Variants in THBS2 observed in about 807,000 individuals in gnomAD.
The protein encoded by THBS2 is thrombospondin 2.
In THBS2, 47 loss-of-function variants were observed where a neutral mutation model predicts 135.2. The ratio of observed to expected loss-of-function variants is 0.35; its 90% CI spans 0.28 to 0.44. The LOEUF is 0.44. Ranked by LOEUF, THBS2 falls within the 20% of genes least tolerant of loss-of-function variation. The pLI is 1.00. For missense variants in THBS2, 1,288 were observed against 1,603.1 expected (o/e 0.80, Z 3.36); for synonymous variants, 639 against 633.8 (o/e 1.01, Z -0.12).
At position 169,240,584 on chromosome 6, in the gene THBS2, A is replaced by C. The variant is rs772878601; in HGVS notation, c.900T>G (p.Asp300Glu). The change falls in exon 6 of 22, where the codon GAT (aspartate) becomes GAG (glutamate). Residue 300 changes from aspartate (D) to glutamate (E), a missense_variant. Around this residue, in one of 2 missense-constraint regions of THBS2, gnomAD observed 414 missense variants for 447.0 expected, o/e 0.93. Transcript: ENST00000617924. ...LSENLKRVSN[D>E]NQFLWELIGG... is the part of the protein sequence containing the mutation. ...CAATGAGCTCCCAGAGAAACTGGTT[A>C]TCATTCGACTGGAAAATCAAGTGAA... The C allele has an allele frequency of 6.2e-7, 1 of 1,613,726 alleles. No individual in the cohort carries two copies. Among genetic ancestry groups the C allele is most frequent in the Non-Finnish European group, 8.5e-7 (1 of 1,179,758 alleles).
intron 10 of THBS2, chr6:169,234,518 C>G (rs528982373): frequency 1.9e-6 from 1 of 527,628 alleles, no homozygotes; most frequent in African/African-American, 1.9e-5. Context: ...CACAACTACC[C>G]ACATTCCACA....
At chr6:169,226,146 A>G in intron 16 of THBS2, 34 bp downstream of exon 16, 1 of 1,557,880 alleles carries the variant, frequency 6.4e-7, no homozygotes, top group South Asian at 1.1e-5. Flanking sequence ...TCTGATGAGG[A>G]CCTCCAACCC....
rs189175779 is a variant in THBS2, at chr6:169,245,521, G to A, written c.694+676C>T. On this transcript the variant is annotated intron_variant, in intron 4 of 21. Coordinates refer to ENST00000617924, the MANE Select transcript of THBS2 (RefSeq NM_003247.5). ...ATAAGAAAACTTCTAGGCCGGGCGTGGTGGCTCACACCTGTAATCCCAGCA... is the reference window on the plus strand; with the variant it reads ...ATAAGAAAACTTCTAGGCCGGGCGTAGTGGCTCACACCTGTAATCCCAGCA... Among the ~76,000 whole-genome samples the A allele has an allele frequency of 4.3e-3, 648 of 152,220 alleles. 3 individuals are homozygous for A. Among genetic ancestry groups the A allele is most frequent in the African/African-American group, 0.011 (449 of 41,542 alleles).
intron 4 of THBS2, among the ~76,000 whole-genome samples, chr6:169,243,748 C>G (rs1391619119): frequency 2.0e-5 from 3 of 152,214 alleles, no homozygotes; most frequent in Non-Finnish European, 2.9e-5. Context: ...CCGCATATAT[C>G]TTTGCTTCTG....
At position 169,225,206 on chromosome 6, in the gene THBS2, G is replaced by A. The variant is rs771072660; in HGVS notation, c.2712C>T (p.Gly904=). The A allele has an allele frequency of 1.7e-5, 27 of 1,614,048 alleles. No individual in the cohort carries two copies. Among genetic ancestry groups the A allele is most frequent in the East Asian group, 1.1e-4 (5 of 44,898 alleles). Residue 904 remains glycine, a synonymous_variant, in exon 17 of 22, where the codon GGC becomes GGT. Coordinates refer to ENST00000617924, the MANE Select transcript of THBS2 (RefSeq NM_003247.5). ...DACDPDDDND[G]VPDDRDNCRL... Reference sequence around the variant, plus strand: ...GGCAGTTGTCCCTGTCATCGGGGACGCCATCGTTGTCATCATCAGGGTCAC... The same window carrying A: ...GGCAGTTGTCCCTGTCATCGGGGACACCATCGTTGTCATCATCAGGGTCAC...
intron 12 of THBS2, 152 bp downstream of exon 12, chr6:169,232,512 C>T (rs931254172): frequency 7.5e-7 from 1 of 1,342,126 alleles, no homozygotes; most frequent in East Asian, 2.3e-5. Context: ...AGCGGCCCAG[C>T]CGAGCAGGTG....
chr6:169,231,515 G>A (rs1779832617), intron 13 of THBS2, among the ~76,000 whole-genome samples: 1 of 152,178 alleles, frequency 6.6e-6, no homozygotes, highest in Non-Finnish European at 1.5e-5. Context: ...CCTGGGATGG[G>A]CCCCGAAGGA....
chr6:169,249,903 G>A lies in THBS2; in HGVS notation c.52+830C>T, dbSNP rs199659088. Reference sequence around the variant, plus strand: ...AAATTAGCCAGGCATGGTTGTGGGCGCTTGTAGTCCCAGCTACTCGGGAGG... The same window carrying A: ...AAATTAGCCAGGCATGGTTGTGGGCACTTGTAGTCCCAGCTACTCGGGAGG... On this transcript the variant is annotated intron_variant, in intron 2 of 21. Transcript: ENST00000617924. Among the ~76,000 whole-genome samples, 47 of 152,094 alleles carry A rather than the reference G, an allele frequency of 3.1e-4. No homozygotes were observed. The East Asian group carries it at 5.2e-3, about 17-fold the overall frequency.
chr6:169,250,549 C>T (rs1176718948), intron 2 of THBS2, among the ~76,000 whole-genome samples, 184 bp downstream of exon 2: 2 of 152,126 alleles, frequency 1.3e-5, no homozygotes, highest in Non-Finnish European at 2.9e-5. Context: ...CCTGAATTTT[C>T]CAAAGATAAA....
At chr6:169,247,394 A>G (rs1780587889) in intron 3 of THBS2, among the ~76,000 whole-genome samples, 1 of 151,946 alleles carries the variant, frequency 6.6e-6, no homozygotes. Context: ...ATGTATGTGC[A>G]TGCATGAGTT....
Position 169,240,497 on chromosome 6 carries a change from T to A in THBS2, c.987A>T (p.Glu329Asp). The change falls in exon 6 of 22, where the codon GAA becomes GAT. Residue 329 changes from glutamate (E) to aspartate (D), a missense_variant. This residue lies in a region of THBS2 where 414 missense variants were observed against 447.0 expected (regional missense o/e 0.93). Transcript: ENST00000617924. The part of the protein sequence containing the change: ...ACWQDGRFFA[E>D]NETWVVDSCT... ...AGCTGTCCACCACCCACGTTTCATT[T>A]TCCGCAAAGAACCGGCCATCCTGCC... The A allele has an allele frequency of 6.2e-7, 1 of 1,613,986 alleles. No individual in the cohort carries two copies. Among genetic ancestry groups the A allele is most frequent in the Non-Finnish European group, 8.5e-7 (1 of 1,180,030 alleles).
In THBS2 at chr6:169,241,239, C is replaced by G. The variant is rs374353011; in HGVS notation, c.891+523G>C. On this transcript the variant is annotated intron_variant, in intron 5 of 21. Coordinates refer to ENST00000617924, the MANE Select transcript of THBS2 (RefSeq NM_003247.5). The surrounding 1 kb of genome is among the most constrained non-coding windows in gnomAD (Gnocchi z 5.5). ...ATGTTCAGTCCCTTTCTCTAAACTGCGAGCTGCCCGTCCTGAGCCCCGCAG... is the reference window on the plus strand; with the variant it reads ...ATGTTCAGTCCCTTTCTCTAAACTGGGAGCTGCCCGTCCTGAGCCCCGCAG... Among the ~76,000 whole-genome samples the G allele has an allele frequency of 1.1e-4, 17 of 152,260 alleles. No homozygotes were observed. The East Asian group carries it at 2.3e-3, about 21-fold the overall frequency.
In THBS2 at chr6:169,239,490, G is replaced by A. The variant is rs548631309; in HGVS notation, c.1129+109C>T. 1.5e-3 allele frequency: 1,534 copies of A among 1,011,126 alleles called. 3 individuals are homozygous for A. Among genetic ancestry groups the A allele is most frequent in the Non-Finnish European group, 2.1e-3 (1,417 of 681,208 alleles). 62.6% of individuals were successfully genotyped at this position (1,011,126 alleles called of 1,614,324 possible). ...CCTCTGATTCTCTCACCTGTACTCAGGGGGCTGAACCTCACTCTTCTCTGC... is the reference window on the plus strand; with the variant it reads ...CCTCTGATTCTCTCACCTGTACTCAAGGGGCTGAACCTCACTCTTCTCTGC... On this transcript the variant is annotated intron_variant, in intron 7 of 21. Coordinates refer to ENST00000617924, the MANE Select transcript of THBS2 (RefSeq NM_003247.5).
rs1312725468 is a variant in THBS2, at chr6:169,252,168, C to T, written c.-22-1362G>A. 2.0e-5 allele frequency: 3 copies of T among 152,138 alleles called. No individual in the cohort carries two copies. Among genetic ancestry groups the T allele is most frequent in the African/African-American group, 7.2e-5 (3 of 41,424 alleles). The allele number at this position is 152,138 out of a possible 1,614,324, so 9.4% of individuals were successfully genotyped here. On this transcript the variant is annotated intron_variant, in intron 1 of 21. Transcript: ENST00000617924. This position sits in a 1 kb window ranked among gnomAD's most constrained non-coding sequence, Gnocchi z 4.3. The stretch of plus-strand genomic sequence containing the variant: ...GCAGAATGTGCCTCTGGGTCTGGGG[C>T]GCTTTCTACTCTAACTGCCCGAGGC...
intron 17 of THBS2, 128 bp downstream of exon 17, chr6:169,225,017 G>A: frequency 1.1e-6 from 1 of 884,096 alleles, no homozygotes; most frequent in Non-Finnish European, 1.8e-6. Context: ...ACAGCTTTAA[G>A]AGGCCCAAAG....
Position 169,223,241 on chromosome 6 carries a change from G to A in THBS2, c.3001+7C>T, listed in dbSNP as rs758016027. 7 of 1,609,440 alleles carry A rather than the reference G, an allele frequency of 4.3e-6. No individual in the cohort carries two copies. In the Admixed American group the frequency reaches 1.2e-4, roughly 27 times the overall value. ...GCTGGCACCACCGCCGTGTCTCAGAGACTCACCTACAGCGATGCCGGGGTC... is the reference window on the plus strand; with the variant it reads ...GCTGGCACCACCGCCGTGTCTCAGAAACTCACCTACAGCGATGCCGGGGTC... On this transcript the variant is annotated splice_region_variant and intron_variant, in intron 18 of 21. Transcript: ENST00000617924.
chr6:169,237,279 G>T lies in THBS2; in HGVS notation c.1368C>A (p.Gly456=). 2 of 1,613,468 alleles carry T rather than the reference G, an allele frequency of 1.2e-6. No individual in the cohort carries two copies. The highest frequency in any genetic ancestry group is 1.7e-6 in the Non-Finnish European group (2 of 1,180,018). The change falls in exon 9 of 22, where the codon GGC becomes GGA. Residue 456 remains glycine (G), a synonymous_variant. Coordinates refer to ENST00000617924, the MANE Select transcript of THBS2 (RefSeq NM_003247.5). ...WSSCSVTCGV[G]NITRIRLCNS... ...TGCAGAGACGGATGCGTGTGATATT[G>T]CCAACTCCACAGGTCACAGAGCATG...
At chr6:169,246,613 T>G (rs1171214971) in intron 3 of THBS2, among the ~76,000 whole-genome samples, 1 of 152,208 alleles carries the variant, frequency 6.6e-6, no homozygotes, top group Non-Finnish European at 1.5e-5. Flanking sequence ...TTCAAGGCCA[T>G]TCGTTCCTTG....
chr6:169,248,439 G>A lies in THBS2; in HGVS notation c.587C>T (p.Ser196Phe), dbSNP rs1211667860. Residue 196 changes from serine (S) to phenylalanine (F), a missense_variant, in exon 3 of 22, where the codon TCT becomes TTT. Ser to Phe is a radical substitution (Grantham distance 155, BLOSUM62 -2). Coordinates refer to ENST00000617924, the MANE Select transcript of THBS2 (RefSeq NM_003247.5). The part of the protein sequence containing the change: ...EKSRMYVAKG[S>F]ARESHFRGLL... Reference sequence around the variant, plus strand: ...TACCCTGAAGTGACTCTCTCTGGCAGAGCCTTTGGCCACGTACATCCGGCT... The same window carrying A: ...TACCCTGAAGTGACTCTCTCTGGCAAAGCCTTTGGCCACGTACATCCGGCT... The A allele has an allele frequency of 6.2e-7, 1 of 1,608,818 alleles. No homozygotes were observed.
Sources: allele counts gnomAD v4.1 joint callset (sites outside exome capture counted in the v4.1 genomes callset), GRCh38; gene constraint gnomAD v4.1.1; regional missense constraint gnomAD v4.1.1; non-coding constraint Gnocchi (gnomAD v3.1); transcripts MANE v1.5; gene names NCBI Gene and HGNC (gene_info 2026-07-23, HGNC 2026-07-21).